IFIH1: variants seen among roughly 807,000 people sequenced by gnomAD.
The protein encoded by IFIH1 is interferon-induced helicase C domain-containing protein 1.
Under a neutral mutation model 107.4 loss-of-function variants are expected in IFIH1, and 125 were observed. The observed-to-expected ratio is 1.16, with a 90% confidence interval of 1.01 to 1.35. IFIH1 has a LOEUF of 1.35. Among genes scored for constraint, IFIH1 ranks in the 40% most tolerant of loss-of-function variants. IFIH1 has a pLI of 0.00. For missense variants in IFIH1, 1,333 were observed against 1,213.7 expected, an observed-to-expected ratio of 1.10 and a Z score of -1.46; for synonymous variants, 458 against 413.2, an observed-to-expected ratio of 1.11 and a Z score of -1.31.
chr2:162,303,536 C>T (rs972320588), intron 3 of IFIH1, among the ~76,000 whole-genome samples: 9 of 151,758 alleles, frequency 5.9e-5, no homozygotes, highest in Non-Finnish European at 1.3e-4. Flanking sequence ...AACAAGGTGC[C>T]TGGCACATGA....
chr2:162,307,118 T>C (rs1683297511), intron 2 of IFIH1: 1 of 309,188 alleles, frequency 3.2e-6, no homozygotes, highest in Non-Finnish European at 6.0e-6. Context: ...TTTTAATATG[T>C]TGACATTTCG....
chr2:162,295,480 G>A (rs1324890969), intron 3 of IFIH1, among the ~76,000 whole-genome samples: 7 of 151,850 alleles, frequency 4.6e-5, no homozygotes, highest in Admixed American at 4.6e-4. Flanking sequence ...AGCTATAACA[G>A]AATTACAGCC....
chr2:162,308,510 C>T (rs973816670), intron 2 of IFIH1, among the ~76,000 whole-genome samples: 2 of 151,918 alleles, frequency 1.3e-5, no homozygotes, highest in African/African-American at 4.8e-5. Flanking sequence ...TTCCAAGTAG[C>T]TGGGATTATA....
intron 1 of IFIH1, among the ~76,000 whole-genome samples, chr2:162,311,621 A>G (rs1683385997): frequency 6.6e-6 from 1 of 151,670 alleles, no homozygotes; most frequent in South Asian, 2.1e-4. Context: ...TTTCTCTTTT[A>G]GATTAGTAAA....
At chr2:162,286,609 G>A (rs1682897631) in intron 5 of IFIH1, among the ~76,000 whole-genome samples, 1 of 146,638 alleles carries the variant, frequency 6.8e-6, no homozygotes, top group Non-Finnish European at 1.5e-5. Flanking sequence ...AAAGAGACAG[G>A]TAAATGGGGA....
chr2:162,311,589 A>G (rs1280072242), intron 1 of IFIH1, among the ~76,000 whole-genome samples: 2 of 152,004 alleles, frequency 1.3e-5, no homozygotes, highest in Non-Finnish European at 2.9e-5. Context: ...TCCATTCATT[A>G]GAGTCTTTAG....
intron 3 of IFIH1, among the ~76,000 whole-genome samples, chr2:162,303,728 T>A (rs962276326): frequency 5.9e-5 from 9 of 152,104 alleles, no homozygotes; most frequent in African/African-American, 2.2e-4. Flanking sequence ...ACAAGATACA[T>A]CTTTAAGTTT....
At chr2:162,268,377 A>G in intron 13 of IFIH1, 100 bp from the exon 14 acceptor site, 1 of 703,262 alleles carries the variant, frequency 1.4e-6, no homozygotes, top group South Asian at 2.0e-5. Context: ...AGTTGTGAAA[A>G]TATACCCTTA....
Position 162,272,307 on chromosome 2 carries a change from T to C in IFIH1, c.2535A>G (p.Thr845=). The C allele has an allele frequency of 6.2e-7, 1 of 1,613,150 alleles. No individual in the cohort carries two copies. The highest frequency in any genetic ancestry group is 8.5e-7 in the Non-Finnish European group (1 of 1,179,386). ...HSGSGVIEHE[T]VNDFREKMMY... ...TCATCTTCTCTCGGAAATCATTAAC[T>C]GTCTCATGTTCGATAACTCCTGAAC... The change falls in exon 13 of 16, where the codon ACA becomes ACG. Residue 845 remains threonine (T), a synonymous_variant. Coordinates refer to ENST00000649979, the MANE Select transcript of IFIH1 (RefSeq NM_022168.4).
At chr2:162,296,654 G>T (rs1683088602) in intron 3 of IFIH1, among the ~76,000 whole-genome samples, 1 of 152,100 alleles carries the variant, frequency 6.6e-6, no homozygotes, top group Admixed American at 6.6e-5. Flanking sequence ...AACAGCAAGA[G>T]ACATTTTCAT....
chr2:162,308,223 G>A (rs1400909708), intron 2 of IFIH1, among the ~76,000 whole-genome samples: 1 of 152,098 alleles, frequency 6.6e-6, no homozygotes, highest in Non-Finnish European at 1.5e-5. Context: ...TGTCTGATGA[G>A]GACTCTCTCC....
Position 162,277,698 on chromosome 2 carries a change from GA to G in IFIH1, c.1766-6del, listed in dbSNP as rs548261817. The G allele has an allele frequency of 6.3e-6, 10 of 1,596,666 alleles. No individual in the cohort carries two copies. The highest frequency in any genetic ancestry group is 7.7e-6 in the Non-Finnish European group (9 of 1,172,678). On this transcript the variant is annotated splice_region_variant and splice_polypyrimidine_tract_variant and intron_variant, in intron 9 of 15. Transcript: ENST00000649979. Reference sequence around the variant, plus strand: ...TGCGATTTCCTTCTTTTGCAGCTGTGAAAAAATATATTATGTAAGTGAAATA... The same window carrying G: ...TGCGATTTCCTTCTTTTGCAGCTGTGAAAAATATATTATGTAAGTGAAATA...
intron 1 of IFIH1, 148 bp downstream of exon 1, chr2:162,317,707 T>C (rs976481757): frequency 1.5e-6 from 1 of 654,076 alleles, no homozygotes; most frequent in Admixed American, 2.6e-5. Context: ...TTTAAAATTG[T>C]CTTAAAGTGC....
At chr2:162,291,156 T>C (rs1158288188) in intron 4 of IFIH1, among the ~76,000 whole-genome samples, 1 of 151,796 alleles carries the variant, frequency 6.6e-6, no homozygotes, top group African/African-American at 2.4e-5. Flanking sequence ...AAAATTATAT[T>C]CTACCATATA....
Position 162,281,403 on chromosome 2 carries a change from C to G in IFIH1, c.1449G>C (p.Gln483His), listed in dbSNP as rs753216541. The change falls in exon 7 of 16, where the codon CAG (glutamine) becomes CAC (histidine). Residue 483 changes from glutamine (Q) to histidine (H), a missense_variant. By Grantham distance (24) the Gln-to-His change is conservative. Transcript: ENST00000649979. ...CAGGTGAAGCTGTTAGTCCCAGTAT[C>G]TGAGGAAGGGGAATCACTGGTTTGT... ...KENKPVIPLP[Q>H]ILGLTASPGV... The G allele has an allele frequency of 2.7e-5, 44 of 1,612,726 alleles. No homozygotes were observed. The highest frequency in any genetic ancestry group is 3.6e-5 in the Non-Finnish European group (43 of 1,179,230).
chr2:162,297,509 T>C (rs1683113917), intron 3 of IFIH1, among the ~76,000 whole-genome samples: 1 of 152,148 alleles, frequency 6.6e-6, no homozygotes, highest in African/African-American at 2.4e-5. Context: ...TAGTAGTCTC[T>C]ATTTTCTCAC....
rs184770092 is a variant in IFIH1, at chr2:162,268,659, G to A, written c.2617-382C>T. Reference sequence around the variant, plus strand: ...GGCTGGAGTGTGTTGGTACTATCTCGGGTCACTGCAACCTCCATCTCCTGG... The same window carrying A: ...GGCTGGAGTGTGTTGGTACTATCTCAGGTCACTGCAACCTCCATCTCCTGG... On this transcript the variant is annotated intron_variant, in intron 13 of 15. Transcript: ENST00000649979. 4.2e-4 allele frequency among the ~76,000 whole-genome samples: 64 copies of A among 151,868 alleles called. 2 individuals are homozygous for A. Among genetic ancestry groups the A allele is most frequent in the Admixed American group, 2.1e-3 (32 of 15,262 alleles).
At chr2:162,308,402 C>T (rs1490763130) in intron 2 of IFIH1, among the ~76,000 whole-genome samples, 63 of 143,946 alleles carry the variant, frequency 4.4e-4, no homozygotes, top group Admixed American at 1.6e-3. Context: ...TTTTTTGAGA[C>T]GGAGTCTTGC....
chr2:162,316,113 G>A (rs1173199939), intron 1 of IFIH1, among the ~76,000 whole-genome samples: 6 of 152,254 alleles, frequency 3.9e-5, no homozygotes, highest in South Asian at 2.1e-4. Context: ...TCTAGCTGGC[G>A]GAAATTCAAT....
Sources: gnomAD v4.1 joint callset for allele counts (sites outside exome capture counted in the v4.1 genomes callset) on GRCh38, gnomAD v4.1.1 for gene constraint, MANE v1.5 for transcripts, NCBI Gene and HGNC (gene_info 2026-07-23, HGNC 2026-07-21) for gene names.